Variants in ARIH2 observed in about 807,000 individuals in gnomAD.
The protein encoded by ARIH2 is ariadne RBR E3 ubiquitin protein ligase 2, also known as E3 ubiquitin-protein ligase ARIH2.
ARIH2 carries 12 observed loss-of-function variants against 79.8 expected under a neutral mutation model. The observed-to-expected ratio is 0.15, with a 90% CI of 0.10 to 0.24. ARIH2 has a LOEUF of 0.24. Among genes scored for constraint, ARIH2 ranks in the 10% least tolerant of loss-of-function variants. ARIH2 has a pLI of 1.00. For missense variants in ARIH2, 301 were observed against 618.3 expected, an observed-to-expected ratio of 0.49 and a Z score of 5.44; for synonymous variants, 224 against 213.9, an observed-to-expected ratio of 1.05 and a Z score of -0.41.
intron 4 of ARIH2, among the ~76,000 whole-genome samples, chr3:48,964,364 G>A (rs1311931127): frequency 1.3e-5 from 2 of 148,196 alleles, no homozygotes; most frequent in African/African-American, 2.5e-5. Context: ...CTTGCAGGCT[G>A]GAGTGCAATG....
intron 5 of ARIH2, 108 bp downstream of exon 5, chr3:48,965,090 C>T: frequency 9.9e-7 from 1 of 1,014,062 alleles, no homozygotes; most frequent in Non-Finnish European, 1.5e-6. Context: ...CGGTGTGGCT[C>T]ACGCCTGTAA....
Position 48,979,724 on chromosome 3 carries a change from A to G in ARIH2, c.1113+91A>G, listed in dbSNP as rs2092683682. 4.2e-6 allele frequency: 6 copies of G among 1,422,106 alleles called. No homozygotes were observed. The Admixed American group carries it at 1.2e-4, about 28-fold the overall frequency. 88.1% of individuals were successfully genotyped at this position (1,422,106 alleles called of 1,614,324 possible). A position where few individuals can be genotyped will look rare whatever the true frequency, so the allele number is the denominator to read the frequency against. On this transcript the variant is annotated intron_variant, in intron 12 of 15. Coordinates refer to ENST00000356401, the MANE Select transcript of ARIH2 (RefSeq NM_006321.4). ...TTCCCAGGGACTGGTAGACAGAGCTAGCCTGTGCACATAGAAGTCAGTGAA... is the reference window on the plus strand; with the variant it reads ...TTCCCAGGGACTGGTAGACAGAGCTGGCCTGTGCACATAGAAGTCAGTGAA...
chr3:48,970,071 T>C (rs2092105813), intron 7 of ARIH2, among the ~76,000 whole-genome samples: 1 of 151,970 alleles, frequency 6.6e-6, no homozygotes, highest in African/African-American at 2.4e-5. Flanking sequence ...TTGTGTTTTT[T>C]AGTAGAGACA....
intron 8 of ARIH2, among the ~76,000 whole-genome samples, chr3:48,971,909 G>T (rs1166218505): frequency 1.3e-5 from 2 of 152,082 alleles, no homozygotes; most frequent in African/African-American, 2.4e-5. Flanking sequence ...AAGTACTGTT[G>T]GCCTCCACAA....
rs112900221 is a variant in ARIH2 at position 48,954,436 on chromosome 3, C to CA, written c.256-7162dup. Among the ~76,000 whole-genome samples the CA allele has an allele frequency of 2.8e-3, 359 of 129,830 alleles. 2 individuals are homozygous for CA. The highest frequency in any genetic ancestry group is 0.02 in the East Asian group (93 of 4,544). 85.2% of individuals were successfully genotyped at this position (129,830 alleles called of 152,430 possible). On this transcript the variant is annotated intron_variant, in intron 3 of 15. Coordinates refer to ENST00000356401, the MANE Select transcript of ARIH2 (RefSeq NM_006321.4). ...GGAGCAACAGAGTGAGACTCTGTCT[C>CA]AAAAAAAAAAAAAAGTTTTTTTCTA...
chr3:48,979,913 T>C (rs1039491864), intron 12 of ARIH2: 4 of 331,242 alleles, frequency 1.2e-5, no homozygotes, highest in Non-Finnish European at 2.2e-5. Context: ...TCTAGTACCA[T>C]CTTTTTTTTT....
rs1358725435 is a variant in ARIH2, at chr3:48,984,963, A to G, written c.*1693A>G. 1 of 152,210 alleles carries G rather than the reference A, an allele frequency of 6.6e-6. No individual in the cohort carries two copies. The highest frequency in any genetic ancestry group is 1.5e-5 in the Non-Finnish European group (1 of 68,056). 9.4% of individuals were successfully genotyped at this position (152,210 alleles called of 1,614,324 possible). On this transcript the variant is annotated 3_prime_UTR_variant, in exon 16 of 16. Transcript: ENST00000356401. ...AGAGACTGTGGGGTGGATTGGGAGA[A>G]CAGATTAGGAGTATAGCAAATGAAC...
chr3:48,953,676 A>G (rs2090247937), intron 3 of ARIH2, among the ~76,000 whole-genome samples: 1 of 150,856 alleles, frequency 6.6e-6, no homozygotes, highest in South Asian at 2.2e-4. Context: ...CTGGGATTAC[A>G]GGTGTGAGCC....
At chr3:48,978,695 C>T (rs763932486) in intron 11 of ARIH2, among the ~76,000 whole-genome samples, 3 of 151,710 alleles carry the variant, frequency 2.0e-5, no homozygotes, top group Non-Finnish European at 2.9e-5. Context: ...CGCAGTGGCT[C>T]ACGCCTATAA....
At chr3:48,961,348 A>G (rs2091238240) in intron 3 of ARIH2, among the ~76,000 whole-genome samples, 2 of 152,208 alleles carry the variant, frequency 1.3e-5, no homozygotes, top group African/African-American at 4.8e-5. Flanking sequence ...TTACTGTAAA[A>G]TGAGTGTCTT....
At chr3:48,922,331 A>G (rs1253498260) in intron 1 of ARIH2, 1 of 149,514 alleles carries the variant, frequency 6.7e-6, no homozygotes, top group Non-Finnish European at 1.5e-5. Flanking sequence ...TTTTGAGACG[A>G]ATTTTCTTGT....
chr3:48,928,091 A>T (rs564365242), intron 3 of ARIH2: 19 of 422,524 alleles, frequency 4.5e-5, no homozygotes, highest in African/African-American at 3.2e-4. Flanking sequence ...TAGTAGCAGA[A>T]TTGCACAACT....
At chr3:48,929,312 TGTCC>T (rs920016480) in intron 3 of ARIH2, among the ~76,000 whole-genome samples, 5 of 151,960 alleles carry the variant, frequency 3.3e-5, no homozygotes, top group African/African-American at 4.8e-5. Context: ...CCCAAGCACC[TGTCC>T]GTCCGTCCGT....
At chr3:48,923,206 CA>C (rs924012562) in intron 2 of ARIH2, among the ~76,000 whole-genome samples, 108 of 129,528 alleles carry the variant, frequency 8.3e-4, no homozygotes, top group Admixed American at 8.5e-4. Flanking sequence ...GACTCCGTCT[CA>C]AAAAAAAAAA....
Position 48,983,025 on chromosome 3 carries a change from C to T in ARIH2, c.1410+46C>T, listed in dbSNP as rs866419599. The T allele has an allele frequency of 7.6e-6, 12 of 1,576,850 alleles. No individual in the cohort carries two copies. In the African/African-American group the frequency reaches 9.4e-5, roughly 12 times the overall value. On this transcript the variant is annotated intron_variant, in intron 15 of 15. Coordinates refer to ENST00000356401, the MANE Select transcript of ARIH2 (RefSeq NM_006321.4). ...TGGATTCTATATTGCAGGTAGAGGACTGGCATGGTAATAGGTGACAGCGTT... is the reference window on the plus strand; with the variant it reads ...TGGATTCTATATTGCAGGTAGAGGATTGGCATGGTAATAGGTGACAGCGTT...
In ARIH2 at chr3:48,974,935, TTTC is replaced by T. The variant is rs2092422725; in HGVS notation, c.940-18_940-16del. On this transcript the variant is annotated intron_variant, in intron 10 of 15. Coordinates refer to ENST00000356401, the MANE Select transcript of ARIH2 (RefSeq NM_006321.4). ...TTTGGTCAGTGTGCCCTTAACGTGT[TTTC>T]TTCTGTTTCCCTCTGACAGCAATGC... The T allele has an allele frequency of 1.9e-6, 3 of 1,614,048 alleles. No homozygotes were observed. The South Asian group carries it at 3.3e-5, about 18-fold the overall frequency.
chr3:48,961,732 G>A, intron 4 of ARIH2, 53 bp downstream of exon 4: 1 of 1,180,486 alleles, frequency 8.5e-7, no homozygotes, highest in African/African-American at 1.5e-5. Flanking sequence ...CCCTCTCCGT[G>A]GTGATTATTG....
chr3:48,979,285 C>T (rs2092667783), intron 11 of ARIH2, among the ~76,000 whole-genome samples, 197 bp from the exon 12 acceptor site: 1 of 152,212 alleles, frequency 6.6e-6, no homozygotes, highest in African/African-American at 2.4e-5. Context: ...TTGTTCCTAT[C>T]AGCAAGTACA....
rs141742512 is a variant in ARIH2 at position 48,956,576 on chromosome 3, A to G, written c.256-5036A>G. Among the ~76,000 whole-genome samples the G allele has an allele frequency of 3.0e-3, 445 of 149,516 alleles. 4 individuals carry two copies. The highest frequency in any genetic ancestry group is 0.01 in the African/African-American group (422 of 40,468). The stretch of plus-strand genomic sequence containing the variant: ...CTCCTGAGTAGCTGGGACCACAGGC[A>G]TGAACCACTGTGCCTGGCAGTCACC... On this transcript the variant is annotated intron_variant, in intron 3 of 15. Transcript: ENST00000356401.
Sources: allele counts gnomAD v4.1 joint callset (sites outside exome capture counted in the v4.1 genomes callset), GRCh38; gene constraint gnomAD v4.1.1; transcripts MANE v1.5; gene names NCBI Gene and HGNC (gene_info 2026-07-23, HGNC 2026-07-21).